The following CCL26 variants were observed in gnomAD, a reference collection of about 807,000 sequenced individuals.
The protein encoded by CCL26 is C-C motif chemokine 26.
CCL26 carries 10 observed loss-of-function variants against 10.7 expected under a neutral mutation model. The ratio of observed to expected loss-of-function variants is 0.93; its 90% CI spans 0.57 to 1.58. The LOEUF (loss-of-function observed/expected upper bound fraction) is 1.58, where lower values mean the gene tolerates loss of function less well. Among genes scored for constraint, CCL26 ranks in the 40% most tolerant of loss-of-function variants. The pLI is 0.00. For missense variants in CCL26, 116 were observed against 111.0 expected (o/e 1.05, Z -0.20); for synonymous variants, 43 against 41.4 (o/e 1.04, Z -0.15).
At chr7:75,783,741 C>G (rs1010602877) in intron 1 of CCL26, among the ~76,000 whole-genome samples, 2 of 147,186 alleles carry the variant, frequency 1.4e-5, no homozygotes, top group Admixed American at 1.4e-4. Flanking sequence ...GAGCTGAGAT[C>G]GTGCCACTGC....
At chr7:75,770,821 C>T (rs1307585716) in intron 2 of CCL26, among the ~76,000 whole-genome samples, 1 of 151,924 alleles carries the variant, frequency 6.6e-6, no homozygotes, top group Non-Finnish European at 1.5e-5. Context: ...GCTTACAGGC[C>T]TGCGCCACCT....
intron 1 of CCL26, among the ~76,000 whole-genome samples, chr7:75,780,503 A>C (rs1330032697): frequency 1.3e-5 from 2 of 152,170 alleles, no homozygotes; most frequent in African/African-American, 4.8e-5. Flanking sequence ...TGACCCCAAT[A>C]CAAACTCGAC....
chr7:75,781,688 C>G (rs1443322460), intron 1 of CCL26, among the ~76,000 whole-genome samples: 1 of 152,168 alleles, frequency 6.6e-6, no homozygotes, highest in Admixed American at 6.5e-5. Flanking sequence ...AATTCCTTTT[C>G]CTGGCTCATC....
chr7:75,790,788 A>T, upstream of CCL26, among the ~76,000 whole-genome samples: 1 of 151,882 alleles, frequency 6.6e-6, no homozygotes, highest in Non-Finnish European at 1.5e-5. Flanking sequence ...TATTAAAAAT[A>T]CAAAAATTAG....
chr7:75,771,776 C>G lies in CCL26; in HGVS notation c.188+113G>C. 4.2e-6 allele frequency: 3 copies of G among 716,926 alleles called. 1 individual carries two copies. The South Asian group carries it at 4.6e-5, about 11-fold the overall frequency. The allele number at this position is 716,926 out of a possible 1,614,324, so 44.4% of individuals were successfully genotyped here. A position where few individuals can be genotyped will look rare whatever the true frequency, so the allele number is the denominator to read the frequency against. ...GCTCAGAGTCACACTTGTTAGTGTG[C>G]AGAGGTGGGGTTTCCAGGTTCCCAT... On this transcript the variant is annotated intron_variant, in intron 2 of 2. Transcript: ENST00000005180.
At chr7:75,790,031 T>A (rs1554530556), upstream of CCL26, 1 of 106,312 alleles carries the variant, frequency 9.4e-6, no homozygotes, top group Admixed American at 1.3e-4. Context: ...CCTTCCTTCC[T>A]TCCCTCCATT....
chr7:75,776,409 C>T (rs533158232), upstream of CCL26, among the ~76,000 whole-genome samples: 88 of 151,338 alleles, frequency 5.8e-4, no homozygotes, highest in Non-Finnish European at 9.9e-4. Flanking sequence ...GGCATGGTGG[C>T]TCACTCCTGT....
intron 1 of CCL26, among the ~76,000 whole-genome samples, chr7:75,787,693 A>C: frequency 1.5e-5 from 1 of 66,166 alleles, no homozygotes; most frequent in South Asian, 6.8e-4. Flanking sequence ...CCCCAAGCTC[A>C]GCCTCTCAAC....
At chr7:75,777,719 C>CAAAAAAA (rs1554528931) in intron 1 of CCL26, among the ~76,000 whole-genome samples, 1 of 6,802 alleles carries the variant, frequency 1.5e-4, no homozygotes, top group African/African-American at 7.5e-4. Context: ...GATCCTGTCT[C>CAAAAAAA]AGAAAAAAAA....
intron 1 of CCL26, among the ~76,000 whole-genome samples, chr7:75,785,437 C>T (rs1234433456): frequency 6.6e-6 from 1 of 152,172 alleles, no homozygotes; most frequent in African/African-American, 2.4e-5. Context: ...AGACACTCTC[C>T]TGCTCCTTCA....
At chr7:75,784,345 G>T (rs186089311) in intron 1 of CCL26, among the ~76,000 whole-genome samples, 3 of 152,158 alleles carry the variant, frequency 2.0e-5, no homozygotes, top group African/African-American at 7.2e-5. Flanking sequence ...TGGAACTCTG[G>T]CCCAAGGCTC....
upstream of CCL26, among the ~76,000 whole-genome samples, chr7:75,776,989 G>A (rs529588567): frequency 2.0e-5 from 3 of 152,198 alleles, no homozygotes; most frequent in South Asian, 6.2e-4. Flanking sequence ...CCAGCACTTT[G>A]GGGGGCCGAA....
intron 1 of CCL26, among the ~76,000 whole-genome samples, chr7:75,781,462 C>T (rs539760234): frequency 2.4e-4 from 36 of 152,310 alleles, no homozygotes; most frequent in African/African-American, 4.8e-4. Context: ...AAGGAATGCC[C>T]GCAGCCCAGG....
rs1292116985 is a variant in CCL26 at position 75,782,727 on chromosome 7, C to T, written c.-79+6990G>A. On this transcript the variant is annotated intron_variant, in intron 1 of 3. Coordinates refer to the CCL26 transcript ENST00000394905. ...CCTACAAGATCTAGATAATTTTTGT[C>T]GAAAAATGGGCAAATGGCCTGAGGT... Among the ~76,000 whole-genome samples, 8 of 152,040 alleles carry T rather than the reference C, an allele frequency of 5.3e-5. No homozygotes were observed. The South Asian group carries it at 6.2e-4, about 12-fold the overall frequency.
At chr7:75,789,063 A>T (rs1442600431) in intron 1 of CCL26, among the ~76,000 whole-genome samples, 1 of 148,720 alleles carries the variant, frequency 6.7e-6, no homozygotes, top group African/African-American at 2.5e-5. Flanking sequence ...CCAGGACTAC[A>T]GGTGCGCACC....
chr7:75,773,972 A>G (rs1419353292), upstream of CCL26, among the ~76,000 whole-genome samples: 2 of 152,062 alleles, frequency 1.3e-5, no homozygotes, highest in East Asian at 1.9e-4. Context: ...CAGCCTCCCA[A>G]AGCACTGGGA....
upstream of CCL26, among the ~76,000 whole-genome samples, chr7:75,776,909 A>T (rs1209851237): frequency 6.6e-6 from 1 of 152,104 alleles, no homozygotes; most frequent in Non-Finnish European, 1.5e-5. Flanking sequence ...TAATCGAGCA[A>T]TTCCACTCCT....
chr7:75,788,681 A>T (rs1424264757), intron 1 of CCL26, among the ~76,000 whole-genome samples: 1 of 151,192 alleles, frequency 6.6e-6, no homozygotes, highest in East Asian at 1.9e-4. Context: ...AGCCAAGATC[A>T]CACCACTGCA....
upstream of CCL26, among the ~76,000 whole-genome samples, chr7:75,790,356 C>T (rs1554530676): frequency 6.7e-6 from 1 of 150,212 alleles, no homozygotes; most frequent in East Asian, 2.0e-4. Flanking sequence ...CTCAAGCAGT[C>T]CTCCCACCTC....
Sources: allele counts gnomAD v4.1 joint callset (sites outside exome capture counted in the v4.1 genomes callset), GRCh38; gene constraint gnomAD v4.1.1; transcripts MANE v1.5; gene names NCBI Gene and HGNC (gene_info 2026-07-23, HGNC 2026-07-21).